Variants in EXD3 observed in about 807,000 individuals in gnomAD.
EXD3 encodes the protein exonuclease mut-7 homolog.
In EXD3, 92 loss-of-function variants were observed where a neutral mutation model predicts 98.0. That is an observed-to-expected ratio of 0.94 (90% CI 0.79 to 1.12). The LOEUF is 1.12. EXD3 is among the 50% of genes most tolerant of loss of function. The pLI, the probability that EXD3 is intolerant of heterozygous loss-of-function variation, is 0.00. For missense variants in EXD3, 1,222 were observed against 1,191.6 expected (o/e 1.03, Z -0.38); for synonymous variants, 569 against 526.0 (o/e 1.08, Z -1.12).
At chr9:137,353,593 C>T (rs1834429292) in intron 10 of EXD3, 3 of 985,874 alleles carry the variant, frequency 3.0e-6, no homozygotes, top group South Asian at 9.4e-5. Context: ...GAGCTCTCTC[C>T]CACCCCGCAG....
intron 2 of EXD3, chr9:137,391,814 T>TG (rs1836928607): frequency 6.6e-6 from 1 of 152,226 alleles, no homozygotes; most frequent in Non-Finnish European, 1.5e-5. Flanking sequence ...ATGCAAAAGC[T>TG]GAAGTTTTTT....
rs372749795 is a variant in EXD3 at position 137,367,929 on chromosome 9, C to T, written c.516+7G>A. On this transcript the variant is annotated splice_region_variant and intron_variant, in intron 6 of 21. Coordinates refer to ENST00000340951, the MANE Select transcript of EXD3 (RefSeq NM_017820.5). Reference sequence around the variant, plus strand: ...ACCTAAACAATTTACATGAGAAAGACGTTCACCTTTTCAACGCCAAGCTCC... The same window carrying T: ...ACCTAAACAATTTACATGAGAAAGATGTTCACCTTTTCAACGCCAAGCTCC... 8 of 1,611,760 alleles carry T rather than the reference C, an allele frequency of 5.0e-6. No individual in the cohort carries two copies. Among genetic ancestry groups the T allele is most frequent in the African/African-American group, 2.7e-5 (2 of 74,944 alleles).
intron 17 of EXD3, among the ~76,000 whole-genome samples, chr9:137,325,365 G>T (rs1385145259): frequency 6.6e-6 from 1 of 152,226 alleles, no homozygotes. Flanking sequence ...ATGCCAGCCA[G>T]GGAACAGGTG....
chr9:137,353,174 C>T (rs1200367727), intron 10 of EXD3: 2 of 983,732 alleles, frequency 2.0e-6, no homozygotes, highest in Non-Finnish European at 2.4e-6. Flanking sequence ...TGCTGACCTT[C>T]CTGGCCTCCA....
At chr9:137,382,120 G>C in intron 3 of EXD3, among the ~76,000 whole-genome samples, 1 of 141,656 alleles carries the variant, frequency 7.1e-6, no homozygotes, top group East Asian at 2.1e-4. Context: ...CGGCGGTGGA[G>C]GTGAGGGCGC....
At chr9:137,311,423 G>A (rs1303644503) in intron 19 of EXD3, among the ~76,000 whole-genome samples, 1 of 152,242 alleles carries the variant, frequency 6.6e-6, no homozygotes, top group Non-Finnish European at 1.5e-5. Context: ...TAGGGACAGT[G>A]CCAGTGGGTG....
rs1227762496 is a variant in EXD3, at chr9:137,385,084, T to A, written c.56-1707A>T. ...TCCAGCCTGGGCAACAGAGCGAGAC[T>A]CCGTCTCAGACAAAAACCAAAAAAC... On this transcript the variant is annotated intron_variant, in intron 2 of 21. Coordinates refer to ENST00000340951, the MANE Select transcript of EXD3 (RefSeq NM_017820.5). This position sits in a 1 kb window ranked among gnomAD's most constrained non-coding sequence, Gnocchi z 4.4. Among the ~76,000 whole-genome samples the A allele has an allele frequency of 6.6e-6, 1 of 152,114 alleles. No individual in the cohort carries two copies. The highest frequency in any genetic ancestry group is 6.5e-5 in the Admixed American group (1 of 15,284).
At chr9:137,328,666 A>G (rs1240659394) in intron 17 of EXD3, among the ~76,000 whole-genome samples, 1 of 90,762 alleles carries the variant, frequency 1.1e-5, no homozygotes, top group Non-Finnish European at 2.1e-5. Context: ...ACGGGACTAC[A>G]CGGGACTACA....
At position 137,398,662 on chromosome 9, in the gene EXD3, C is replaced by T. The variant is rs192638263; in HGVS notation, c.-47-3258G>A. 1.7e-3 allele frequency among the ~76,000 whole-genome samples: 259 copies of T among 148,790 alleles called. 4 individuals are homozygous for T. The highest frequency in any genetic ancestry group is 6.0e-3 in the African/African-American group (238 of 39,904). On this transcript the variant is annotated intron_variant, in intron 1 of 21. Coordinates refer to ENST00000340951, the MANE Select transcript of EXD3 (RefSeq NM_017820.5). ...CACCCGCGTCCCCAAGACACACAGG[C>T]GACCGCGTCCCCAAGACACACAGGC...
chr9:137,373,829 G>C (rs1835763821), intron 3 of EXD3, among the ~76,000 whole-genome samples: 1 of 152,240 alleles, frequency 6.6e-6, no homozygotes, highest in African/African-American at 2.4e-5. Context: ...CATAAAGACA[G>C]AGGGCCTGTT....
rs536299526 is a variant in EXD3 at position 137,349,592 on chromosome 9, G to A, written c.1495-61C>T. ...GCCCTGGCGGCAGCACAGTCACCGTGCCCACTCACACCAGCCCTGCGGGGG... is the reference window on the plus strand; with the variant it reads ...GCCCTGGCGGCAGCACAGTCACCGTACCCACTCACACCAGCCCTGCGGGGG... On this transcript the variant is annotated intron_variant, in intron 14 of 21. Coordinates refer to ENST00000340951, the MANE Select transcript of EXD3 (RefSeq NM_017820.5). The surrounding 1 kb of genome is among the most constrained non-coding windows in gnomAD (Gnocchi z 7.4). 3.4e-6 allele frequency: 5 copies of A among 1,463,628 alleles called. No individual in the cohort carries two copies. In the African/African-American group the frequency reaches 5.7e-5, roughly 17 times the overall value. The allele number at this position is 1,463,628 out of a possible 1,614,324, so 90.7% of individuals were successfully genotyped here.
chr9:137,403,766 T>C lies in EXD3; in HGVS notation c.-47-8362A>G, dbSNP rs531516421. Among the ~76,000 whole-genome samples, 175 of 152,092 alleles carry C rather than the reference T, an allele frequency of 1.2e-3. 1 individual carries two copies. Among genetic ancestry groups the C allele is most frequent in the African/African-American group, 4.0e-3 (168 of 41,486 alleles). On this transcript the variant is annotated intron_variant, in intron 1 of 21. Coordinates refer to ENST00000340951, the MANE Select transcript of EXD3 (RefSeq NM_017820.5). The surrounding 1 kb of genome is among the most constrained non-coding windows in gnomAD (Gnocchi z 6.1). ...AGCTTCCAAGGGCTCCAGAAAGTGG[T>C]CGCTGCCCTTCTCAGAAGGCCCTCT...
chr9:137,323,809 G>A lies in EXD3; in HGVS notation c.2100C>T (p.Ser700=), dbSNP rs1284662369. The change falls in exon 19 of 22, where the codon TCC becomes TCT. Residue 700 remains serine (S), a synonymous_variant. Coordinates refer to ENST00000340951, the MANE Select transcript of EXD3 (RefSeq NM_017820.5). ...CCTTGGCCTGCTGCTGGGCCTTCAG[G>A]GAGCAGTCGACCGAGAGGCAGCGCC... The part of the protein sequence containing the change: ...GAGRCLSVDC[S]LKAQQQAKAV... 6.2e-7 allele frequency: 1 copy of A among 1,612,272 alleles called. No individual in the cohort carries two copies. The highest frequency in any genetic ancestry group is 8.5e-7 in the Non-Finnish European group (1 of 1,179,756).
chr9:137,418,875 G>C (rs1369038606), intron 1 of EXD3, among the ~76,000 whole-genome samples: 1 of 152,094 alleles, frequency 6.6e-6, no homozygotes, highest in Non-Finnish European at 1.5e-5. Context: ...TCATAGTAAA[G>C]GTTTTTGGTT....
At chr9:137,412,595 C>T (rs1025708010) in intron 1 of EXD3, among the ~76,000 whole-genome samples, 1 of 152,116 alleles carries the variant, frequency 6.6e-6, no homozygotes. Flanking sequence ...CCCCAGAGCC[C>T]CCCGGGAGCA....
In EXD3 at chr9:137,324,001, A is replaced by G; in HGVS notation, c.2052+89T>C. ...AGGCGCTGGGGGTCGGCCCCACGGCAAGCTGACCCTGAGGTGGGGGTGGCC... is the reference window on the plus strand; with the variant it reads ...AGGCGCTGGGGGTCGGCCCCACGGCGAGCTGACCCTGAGGTGGGGGTGGCC... On this transcript the variant is annotated intron_variant, in intron 18 of 21. Transcript: ENST00000340951. The surrounding 1 kb of genome is among the most constrained non-coding windows in gnomAD (Gnocchi z 4.1). 1.3e-6 allele frequency: 2 copies of G among 1,532,386 alleles called. No individual in the cohort carries two copies. The highest frequency in any genetic ancestry group is 1.4e-5 in the African/African-American group (1 of 72,926). 94.9% of individuals were successfully genotyped at this position (1,532,386 alleles called of 1,614,324 possible).
chr9:137,310,879 G>A (rs773506780), intron 19 of EXD3, among the ~76,000 whole-genome samples: 22 of 152,204 alleles, frequency 1.4e-4, no homozygotes, highest in Non-Finnish European at 3.1e-4. Flanking sequence ...AGAGGAGGCC[G>A]AGATCCATGG....
chr9:137,407,060 C>T lies in EXD3; in HGVS notation c.-47-11656G>A, dbSNP rs1462206760. Among the ~76,000 whole-genome samples, 1 of 152,204 alleles carries T rather than the reference C, an allele frequency of 6.6e-6. No individual in the cohort carries two copies. Among genetic ancestry groups the T allele is most frequent in the Admixed American group, 6.5e-5 (1 of 15,284 alleles). On this transcript the variant is annotated intron_variant, in intron 1 of 21. Transcript: ENST00000340951. The surrounding 1 kb of genome is among the most constrained non-coding windows in gnomAD (Gnocchi z 4.4). ...CCAGAACGCTCGCCAGCAAACCCGCCCGTTCACAGAGGCACCGGAGCGGGC... is the reference window on the plus strand; with the variant it reads ...CCAGAACGCTCGCCAGCAAACCCGCTCGTTCACAGAGGCACCGGAGCGGGC...
At chr9:137,394,051 A>G (rs900959061) in intron 2 of EXD3, among the ~76,000 whole-genome samples, 10 of 152,172 alleles carry the variant, frequency 6.6e-5, no homozygotes, top group Admixed American at 1.3e-4. Context: ...TCCCCGGCAC[A>G]GAGAGCAGCT....
Sources: gnomAD v4.1 joint callset for allele counts (sites outside exome capture counted in the v4.1 genomes callset) on GRCh38, gnomAD v4.1.1 for gene constraint, Gnocchi (gnomAD v3.1) non-coding constraint, MANE v1.5 for transcripts, NCBI Gene and HGNC (gene_info 2026-07-23, HGNC 2026-07-21) for gene names.